FAM107A: variants seen among roughly 807,000 people sequenced by gnomAD.
FAM107A encodes family with sequence similarity 107 member A.
Under a neutral mutation model 13.7 loss-of-function variants are expected in FAM107A, and 19 were observed. The ratio of observed to expected loss-of-function variants is 1.38; its 90% CI spans 0.97 to 2.03. FAM107A has a LOEUF of 2.03. Among genes scored for constraint, FAM107A ranks in the 30% most tolerant of loss-of-function variants. FAM107A has a pLI of 0.00. For missense variants in FAM107A, 203 were observed against 184.4 expected (o/e 1.10, Z -0.58); for synonymous variants, 82 against 74.5 (o/e 1.10, Z -0.52).
chr3:58,627,212 G>A, intron 1 of FAM107A: 1 of 564,700 alleles, frequency 1.8e-6, no homozygotes, highest in Non-Finnish European at 3.1e-6. Context: ...CTGACAGAGG[G>A]GCCAGTGTCC....
intron 2 of FAM107A, among the ~76,000 whole-genome samples, chr3:58,567,804 A>T (rs1260462382): frequency 6.6e-6 from 1 of 152,118 alleles, no homozygotes; most frequent in East Asian, 1.9e-4. Flanking sequence ...TCACCAGCCA[A>T]TCTTTTCATA....
chr3:58,585,282 G>A (rs1272517819), intron 1 of FAM107A, among the ~76,000 whole-genome samples: 1 of 152,234 alleles, frequency 6.6e-6, no homozygotes, highest in Admixed American at 6.5e-5. Context: ...TTAGGGTGGC[G>A]TGCTTTGTAG....
upstream of FAM107A, among the ~76,000 whole-genome samples, chr3:58,581,058 C>T (rs767922753): frequency 7.2e-5 from 11 of 152,202 alleles, no homozygotes; most frequent in African/African-American, 2.4e-4. Context: ...AAGCCACAGT[C>T]GCTGTCTCCT....
intron 1 of FAM107A, chr3:58,627,205 A>T: frequency 1.8e-6 from 1 of 570,462 alleles, no homozygotes; most frequent in Non-Finnish European, 3.1e-6. Flanking sequence ...ATTGATCCTG[A>T]CAGAGGGGCC....
rs192448378 is a variant in FAM107A, at chr3:58,627,459, C to T, written c.-113G>A. Reference sequence around the variant, plus strand: ...GCCGACAGGGCCAGACGGTGGAGGCCGTGGGCTGGCTGAGGTGCAGAGCTC... The same window carrying T: ...GCCGACAGGGCCAGACGGTGGAGGCTGTGGGCTGGCTGAGGTGCAGAGCTC... On this transcript the variant is annotated 5_prime_UTR_variant, in exon 1 of 4. Coordinates refer to the FAM107A transcript ENST00000465970. The T allele has an allele frequency of 5.4e-3, 883 of 164,530 alleles. 9 individuals are homozygous for T. Among genetic ancestry groups the T allele is most frequent in the African/African-American group, 0.02 (837 of 42,048 alleles). 10.2% of individuals were successfully genotyped at this position (164,530 alleles called of 1,614,324 possible).
intron 1 of FAM107A, among the ~76,000 whole-genome samples, chr3:58,593,792 C>T (rs1199931508): frequency 1.3e-5 from 2 of 152,136 alleles, no homozygotes; most frequent in African/African-American, 4.8e-5. Flanking sequence ...GACTGGACTA[C>T]CTCTCCCTCT....
At position 58,566,583 on chromosome 3, in the gene FAM107A, T is replaced by G. The variant is rs750334531; in HGVS notation, c.*5A>C. ...TGGGCAGTGGCCTGAGCCCGGCAGC[T>G]GGCCCTACAGCTCTCTCTCTTCGCT... On this transcript the variant is annotated 3_prime_UTR_variant, in exon 4 of 4. Coordinates refer to ENST00000360997, the MANE Select transcript of FAM107A (RefSeq NM_001076778.3). The G allele has an allele frequency of 1.2e-5, 19 of 1,609,582 alleles. No individual in the cohort carries two copies. The highest frequency in any genetic ancestry group is 1.6e-5 in the Non-Finnish European group (19 of 1,176,626).
At position 58,587,093 on chromosome 3, in the gene FAM107A, G is replaced by A. The variant is rs1041151336; in HGVS notation, c.-157C>T. ...TACGGCGGCGGCCGGAGGGGCGGGC[G>A]AGGAGACGCCGCCGGGGGAAGGAGG... On this transcript the variant is annotated 5_prime_UTR_variant, in exon 1 of 4. Coordinates refer to the FAM107A transcript ENST00000447756. 2.3e-5 allele frequency: 31 copies of A among 1,370,114 alleles called. 1 individual carries two copies. Among genetic ancestry groups the A allele is most frequent in the African/African-American group, 1.8e-4 (12 of 65,060 alleles). The allele number at this position is 1,370,114 out of a possible 1,614,324, so 84.9% of individuals were successfully genotyped here.
At chr3:58,608,648 C>G (rs1040626092) in intron 1 of FAM107A, among the ~76,000 whole-genome samples, 1 of 152,170 alleles carries the variant, frequency 6.6e-6, no homozygotes, top group Non-Finnish European at 1.5e-5. Flanking sequence ...ACCACCTAGT[C>G]CACAACATCC....
intron 1 of FAM107A, among the ~76,000 whole-genome samples, chr3:58,600,909 G>A (rs555108669): frequency 6.6e-6 from 1 of 152,244 alleles, no homozygotes; most frequent in South Asian, 2.1e-4. Context: ...TCTCCCTTCG[G>A]GCACCAGAGC....
intron 1 of FAM107A, among the ~76,000 whole-genome samples, chr3:58,621,937 T>C (rs945738967): frequency 5.9e-5 from 9 of 152,196 alleles, no homozygotes; most frequent in African/African-American, 9.7e-5. Context: ...GAAATGGGCA[T>C]GAGAATATTA....
At chr3:58,598,655 C>G (rs1046297536) in intron 1 of FAM107A, among the ~76,000 whole-genome samples, 1 of 152,244 alleles carries the variant, frequency 6.6e-6, no homozygotes, top group African/African-American at 2.4e-5. Flanking sequence ...GTTGCATACA[C>G]ATTTTAAAAA....
intron 1 of FAM107A, among the ~76,000 whole-genome samples, chr3:58,592,837 T>G (rs1292791013): frequency 2.6e-5 from 4 of 152,234 alleles, no homozygotes; most frequent in Admixed American, 2.6e-4. Context: ...AACTTTTATA[T>G]GGACGCACTT....
intron 2 of FAM107A, 75 bp from the exon 3 acceptor site, chr3:58,567,439 G>T (rs773937674): frequency 6.8e-7 from 1 of 1,460,170 alleles, no homozygotes; most frequent in Admixed American, 2.0e-5. Flanking sequence ...TGCTTCCTGC[G>T]GTGACACCAA....
chr3:58,580,535 C>A (rs533970301), upstream of FAM107A, among the ~76,000 whole-genome samples: 5 of 151,164 alleles, frequency 3.3e-5, no homozygotes, highest in Admixed American at 3.3e-4. Context: ...CCACCTCAGT[C>A]TCCCAAGTAG....
At chr3:58,570,479 C>A (rs2063670239) in intron 1 of FAM107A, 19 of 542,936 alleles carry the variant, frequency 3.5e-5, no homozygotes, top group Non-Finnish European at 4.2e-5. Flanking sequence ...CCCACTTCTA[C>A]CACAGCGGTT....
chr3:58,575,839 G>C (rs1245108422), intron 1 of FAM107A, among the ~76,000 whole-genome samples: 5 of 152,214 alleles, frequency 3.3e-5, no homozygotes, highest in African/African-American at 1.2e-4. Context: ...TCTGGCCTCA[G>C]GCTGGTCTCT....
At chr3:58,579,695 G>T (rs890326162), upstream of FAM107A, among the ~76,000 whole-genome samples, 1 of 152,158 alleles carries the variant, frequency 6.6e-6, no homozygotes, top group Non-Finnish European at 1.5e-5. Flanking sequence ...ATCCTGGAGC[G>T]GGGGAACTTC....
upstream of FAM107A, chr3:58,577,432 C>T (rs1400947544): frequency 1.2e-5 from 12 of 985,226 alleles, no homozygotes; most frequent in Admixed American, 6.2e-5. The surrounding 1 kb of genome is among the most constrained non-coding windows in gnomAD (Gnocchi z 4.9). Flanking sequence ...CCCCTGGGAA[C>T]GGAGGCTGCT....
Sources: allele counts gnomAD v4.1 joint callset (sites outside exome capture counted in the v4.1 genomes callset), GRCh38; gene constraint gnomAD v4.1.1; non-coding constraint Gnocchi (gnomAD v3.1); transcripts MANE v1.5; gene names NCBI Gene and HGNC (gene_info 2026-07-23, HGNC 2026-07-21).